Variants in ZNF813 observed in about 807,000 individuals in gnomAD.
ZNF813 encodes the protein zinc finger protein 813.
In ZNF813, 3 loss-of-function variants were observed where a neutral mutation model predicts 7.2. The ratio of observed to expected loss-of-function variants is 0.42; its 90% CI spans 0.19 to 1.08. The LOEUF is 1.08. ZNF813 is among the 50% of genes least tolerant of loss of function. ZNF813 has a pLI of 0.30. For synonymous variants in ZNF813, 227 were observed against 256.3 expected (o/e 0.89, Z 1.09); for missense variants, 714 against 753.3 (o/e 0.95, Z 0.61).
Position 53,491,390 on chromosome 19 carries a change from T to G in ZNF813, c.1158T>G (p.Asn386Lys), listed in dbSNP as rs774498731. ...LHTGEKPYKC[N>K]ECGKTFSQEL... is the part of the protein sequence containing the mutation. ...CGGGAGAGAAACCTTATAAGTGTAA[T>G]GAATGTGGCAAGACCTTCAGTCAGG... Residue 386 changes from asparagine to lysine, a missense_variant, in exon 4 of 4, where the codon AAT becomes AAG. By Grantham distance (94) the Asn-to-Lys change is moderately conservative. Transcript: ENST00000396403. 1 of 1,613,328 alleles carries G rather than the reference T, an allele frequency of 6.2e-7. No homozygotes were observed. The highest frequency in any genetic ancestry group is 2.2e-5 in the East Asian group (1 of 44,880).
intron 1 of ZNF813, among the ~76,000 whole-genome samples, chr19:53,475,719 A>G (rs1199762414): frequency 2.6e-5 from 4 of 152,252 alleles, no homozygotes; most frequent in Admixed American, 6.5e-5. Context: ...CAAAGAGGCC[A>G]TCTTAACACC....
rs373340098 is a variant in ZNF813 at position 53,491,572 on chromosome 19, C to T, written c.1340C>T (p.Thr447Met). The T allele has an allele frequency of 4.5e-5, 73 of 1,612,128 alleles. No individual in the cohort carries two copies. In the African/African-American group the frequency reaches 5.4e-4, roughly 12 times the overall value. Residue 447 changes from threonine to methionine, a missense_variant, in exon 4 of 4, where the codon ACG (threonine) becomes ATG (methionine). Physicochemically the swap from Thr to Met is moderately conservative, Grantham distance 81. Around this residue, in one of 3 missense-constraint regions of ZNF813, gnomAD observed 563 missense variants for 554.2 expected, o/e 1.02. Transcript: ENST00000396403. ...TACAAGTGTACTGAGTGTGTCAAGACGTTCAGTCGAAATTCAGCCCTTGTA... is the reference window on the plus strand; with the variant it reads ...TACAAGTGTACTGAGTGTGTCAAGATGTTCAGTCGAAATTCAGCCCTTGTA... ...KPYKCTECVKTFSRNSALVIH... is the reference protein window; with the variant it reads ...KPYKCTECVKMFSRNSALVIH...
intron 1 of ZNF813, among the ~76,000 whole-genome samples, chr19:53,471,104 T>C (rs79797091): frequency 6.6e-6 from 1 of 152,228 alleles, no homozygotes; most frequent in African/African-American, 2.4e-5. Flanking sequence ...CTTATGTCTA[T>C]ATCTCTTTTG....
chr19:53,469,840 G>A (rs2086347817), intron 1 of ZNF813, among the ~76,000 whole-genome samples: 1 of 151,608 alleles, frequency 6.6e-6, no homozygotes, highest in South Asian at 2.1e-4. Flanking sequence ...AACGGGGAGA[G>A]CAGAGGAGGC....
chr19:53,493,065 A>G lies in ZNF813; in HGVS notation c.*979A>G, dbSNP rs2086471311. On this transcript the variant is annotated 3_prime_UTR_variant, in exon 4 of 4. Coordinates refer to ENST00000396403, the MANE Select transcript of ZNF813 (RefSeq NM_001004301.4). ...CCAAATGCAATGAGTAGAGCAAACC[A>G]TCAAGCAGTAATTGACATTAAAGTG... The G allele has an allele frequency of 5.1e-5, 20 of 388,584 alleles. No individual in the cohort carries two copies. The highest frequency in any genetic ancestry group is 3.9e-4 in the South Asian group (20 of 50,648). 24.1% of individuals were successfully genotyped at this position (388,584 alleles called of 1,614,324 possible).
rs552022580 is a variant in ZNF813, at chr19:53,492,223, G to T, written c.*137G>T. The T allele has an allele frequency of 7.3e-6, 10 of 1,361,768 alleles. No individual in the cohort carries two copies. The East Asian group carries it at 9.6e-5, about 13-fold the overall frequency. 84.4% of individuals were successfully genotyped at this position (1,361,768 alleles called of 1,614,324 possible). Reference sequence around the variant, plus strand: ...CTGGAGAGAAACAAGTGTAATGAACGTTGCAAAATTTTTAATCAACAAGCA... The same window carrying T: ...CTGGAGAGAAACAAGTGTAATGAACTTTGCAAAATTTTTAATCAACAAGCA... On this transcript the variant is annotated 3_prime_UTR_variant, in exon 4 of 4. Coordinates refer to ENST00000396403, the MANE Select transcript of ZNF813 (RefSeq NM_001004301.4).
At position 53,491,309 on chromosome 19, in the gene ZNF813, G is replaced by T. The variant is rs879125600; in HGVS notation, c.1077G>T (p.Glu359Asp). Residue 359 changes from glutamate to aspartate, a missense_variant, in exon 4 of 4, where the codon GAG becomes GAT. Coordinates refer to ENST00000396403, the MANE Select transcript of ZNF813 (RefSeq NM_001004301.4). Reference protein sequence around the residue: ...HTGEKPFKCNECGKTFSRKSS... With the variant: ...HTGEKPFKCNDCGKTFSRKSS... ...GAGAGAAACCTTTCAAGTGTAATGA[G>T]TGTGGCAAGACCTTTAGTCGGAAGT... 6.2e-7 allele frequency: 1 copy of T among 1,612,768 alleles called. No homozygotes were observed. Among genetic ancestry groups the T allele is most frequent in the Non-Finnish European group, 8.5e-7 (1 of 1,179,658 alleles).
chr19:53,490,758 A>G lies in ZNF813; in HGVS notation c.526A>G (p.Thr176Ala), dbSNP rs764651360. 7.4e-6 allele frequency: 12 copies of G among 1,614,122 alleles called. No individual in the cohort carries two copies. The highest frequency in any genetic ancestry group is 4.4e-5 in the South Asian group (4 of 91,086). The change falls in exon 4 of 4, where the codon ACA (threonine) becomes GCA (alanine). Residue 176 changes from threonine (T) to alanine (A), a missense_variant. Physicochemically the swap from Thr to Ala is moderately conservative, Grantham distance 58 (BLOSUM62 0). Transcript: ENST00000396403. The part of the protein sequence containing the change: ...KSINDASSIS[T>A]SQRISCRPKT... ...TATCAACGATGCTTCCTCAATTTCA[A>G]CATCCCAAAGAATTTCTTGTAGGCC...
intron 1 of ZNF813, among the ~76,000 whole-genome samples, chr19:53,477,585 G>A (rs1316320983): frequency 6.6e-6 from 1 of 152,064 alleles, no homozygotes; most frequent in African/African-American, 2.4e-5. Context: ...GGAGCCTGGG[G>A]CAAGGGGATT....
At chr19:53,475,249 A>G (rs927679022) in intron 1 of ZNF813, among the ~76,000 whole-genome samples, 3 of 152,250 alleles carry the variant, frequency 2.0e-5, no homozygotes, top group African/African-American at 7.2e-5. Flanking sequence ...CAGGGCTATT[A>G]ATTCTGCCTT....
chr19:53,488,909 A>G (rs967979990), intron 3 of ZNF813, among the ~76,000 whole-genome samples: 7 of 152,146 alleles, frequency 4.6e-5, no homozygotes, highest in Non-Finnish European at 2.9e-5. Flanking sequence ...TTTGCTTGCT[A>G]GTTTTATGAG....
At chr19:53,480,165 T>G (rs757812401) in intron 1 of ZNF813, 3 of 759,256 alleles carry the variant, frequency 4.0e-6, no homozygotes, top group Admixed American at 1.7e-5. Context: ...TGCCCGAAGC[T>G]GACCTTTACC....
intron 1 of ZNF813, among the ~76,000 whole-genome samples, chr19:53,468,230 C>CT (rs1250556697): frequency 1.8e-5 from 2 of 108,568 alleles, no homozygotes; most frequent in South Asian, 6.9e-4. Context: ...CCCCCCCCCC[C>CT]CCACCTCCCT....
chr19:53,482,722 T>G (rs71363344), intron 1 of ZNF813, among the ~76,000 whole-genome samples: 1,928 of 64,210 alleles, frequency 0.03, 34 homozygotes, highest in Middle Eastern at 0.043. Flanking sequence ...GTTTTTTTTT[T>G]TTTTTTTTTT....
intron 1 of ZNF813, among the ~76,000 whole-genome samples, chr19:53,470,100 G>A (rs1365056680): frequency 2.0e-5 from 3 of 152,098 alleles, no homozygotes; most frequent in East Asian, 3.8e-4. Flanking sequence ...TCTTGCAGCT[G>A]CATTGAAAGA....
chr19:53,481,363 T>TTTTTTTTTTTTTTG (rs56277529), intron 1 of ZNF813, among the ~76,000 whole-genome samples: 1 of 116,208 alleles, frequency 8.6e-6, no homozygotes, highest in African/African-American at 3.1e-5. Context: ...TTTTTTTTTT[T>TTTTTTTTTTTTTTG]GAGATGGAGT....
chr19:53,495,921 C>A lies in ZNF813; in HGVS notation c.*3835C>A. 1 of 319,756 alleles carries A rather than the reference C, an allele frequency of 3.1e-6. No individual in the cohort carries two copies. Among genetic ancestry groups the A allele is most frequent in the African/African-American group, 2.1e-5 (1 of 46,522 alleles). 19.8% of individuals were successfully genotyped at this position (319,756 alleles called of 1,614,324 possible). A position where few individuals can be genotyped will look rare whatever the true frequency, so the allele number is the denominator to read the frequency against. ...ACTTTCAGATTTAAGCAATACCTGG[C>A]CAAGAAACAAAAGCAAAATCATTCC... On this transcript the variant is annotated 3_prime_UTR_variant, in exon 4 of 4. Transcript: ENST00000396403.
rs2086486612 is a variant in ZNF813, at chr19:53,496,114, G to C, written c.*4028G>C. ...CGCGTTACCATATCAAGCTGAAAAT[G>C]TCACCACTATCTGGAGTGTTGGAAA... is the stretch of plus-strand genomic sequence containing the variant. On this transcript the variant is annotated 3_prime_UTR_variant, in exon 4 of 4. Transcript: ENST00000396403. 1 of 244,112 alleles carries C rather than the reference G, an allele frequency of 4.1e-6. No homozygotes were observed. Among genetic ancestry groups the C allele is most frequent in the Non-Finnish European group, 8.4e-6 (1 of 118,920 alleles). The allele number at this position is 244,112 out of a possible 1,614,324, so 15.1% of individuals were successfully genotyped here.
chr19:53,477,544 A>G (rs920896235), intron 1 of ZNF813, among the ~76,000 whole-genome samples: 1 of 152,122 alleles, frequency 6.6e-6, no homozygotes, highest in Non-Finnish European at 1.5e-5. Flanking sequence ...GGTTGGGCAC[A>G]GTGGCTCACT....
Sources: gnomAD v4.1 joint callset for allele counts (sites outside exome capture counted in the v4.1 genomes callset) on GRCh38, gnomAD v4.1.1 for gene constraint, gnomAD v4.1.1 regional missense constraint, MANE v1.5 for transcripts, NCBI Gene and HGNC (gene_info 2026-07-23, HGNC 2026-07-21) for gene names.